The following TRAF5 variants were observed in gnomAD, a reference collection of about 807,000 sequenced individuals.
TRAF5 encodes TNF receptor-associated factor 5.
Under a neutral mutation model 64.5 loss-of-function variants are expected in TRAF5, and 48 were observed. That is an observed-to-expected ratio of 0.74 (90% CI 0.59 to 0.95). The LOEUF (loss-of-function observed/expected upper bound fraction) is 0.95. Among genes scored for constraint, TRAF5 ranks in the 40% least tolerant of loss-of-function variants. The pLI is 0.00. For synonymous variants in TRAF5, 206 were observed against 240.5 expected (o/e 0.86, Z 1.33); for missense variants, 545 against 662.8 (o/e 0.82, Z 1.95).
At chr1:211,328,962 C>T (rs981468595) in intron 1 of TRAF5, among the ~76,000 whole-genome samples, 2 of 152,162 alleles carry the variant, frequency 1.3e-5, no homozygotes, top group Non-Finnish European at 2.9e-5. Context: ...ATTGAGGTGT[C>T]TTGTTCCCCT....
intron 1 of TRAF5, among the ~76,000 whole-genome samples, chr1:211,340,733 A>G (rs1310504846): frequency 6.6e-6 from 1 of 152,256 alleles, no homozygotes; most frequent in Non-Finnish European, 1.5e-5. Flanking sequence ...AAACCATCAC[A>G]GCTGTAAATC....
chr1:211,365,353 T>G (rs1399418637), intron 7 of TRAF5, 23 bp from the exon 8 acceptor site: 1 of 1,604,686 alleles, frequency 6.2e-7, no homozygotes, highest in South Asian at 1.1e-5. Flanking sequence ...GCAACCTGAC[T>G]TATTTTTCTC....
intron 3 of TRAF5, among the ~76,000 whole-genome samples, chr1:211,355,973 G>A (rs1327166344): frequency 1.3e-5 from 2 of 152,142 alleles, no homozygotes; most frequent in African/African-American, 4.8e-5. Flanking sequence ...CTCCTGGTTT[G>A]CGCTAAAATA....
intron 4 of TRAF5, chr1:211,358,888 TTTA>T (rs1306211744): frequency 3.4e-5 from 5 of 148,834 alleles, no homozygotes; most frequent in Admixed American, 6.7e-5. Context: ...TAAATAAATG[TTTA>T]TTTTTAATAA....
chr1:211,372,479 T>C lies in TRAF5; in HGVS notation c.1451T>C (p.Leu484Pro), dbSNP rs1446969251. 2 of 1,614,182 alleles carry C rather than the reference T, an allele frequency of 1.2e-6. No individual in the cohort carries two copies. Among genetic ancestry groups the C allele is most frequent in the East Asian group, 2.2e-5 (1 of 44,886 alleles). Reference sequence around the variant, plus strand: ...TGGCCATTCAGGCAGAGGGTGACCCTGATGCTTCTGGACCAGAGTGGCAAA... The same window carrying C: ...TGGCCATTCAGGCAGAGGGTGACCCCGATGCTTCTGGACCAGAGTGGCAAA... ...LQWPFRQRVT[L>P]MLLDQSGKKN... The change falls in exon 11 of 11, where the codon CTG (leucine) becomes CCG (proline). Residue 484 changes from leucine to proline, a missense_variant. By Grantham distance (98) the Leu-to-Pro change is moderately conservative. Coordinates refer to ENST00000261464, the MANE Select transcript of TRAF5 (RefSeq NM_001033910.3).
chr1:211,351,692 T>G (rs1378210473), intron 1 of TRAF5, among the ~76,000 whole-genome samples: 1 of 152,184 alleles, frequency 6.6e-6, no homozygotes. Flanking sequence ...GATGTCCAGT[T>G]GTCCCAGCAC....
chr1:211,344,767 G>C (rs761904259), intron 1 of TRAF5, among the ~76,000 whole-genome samples: 2 of 152,038 alleles, frequency 1.3e-5, no homozygotes, highest in Non-Finnish European at 2.9e-5. Context: ...CCTTTTTTAA[G>C]TTAAGGTCTT....
intron 1 of TRAF5, 86 bp from the exon 2 acceptor site, chr1:211,353,153 G>T: frequency 7.7e-7 from 1 of 1,291,976 alleles, no homozygotes; most frequent in Non-Finnish European, 1.1e-6. Flanking sequence ...CACTAATTAT[G>T]AGACAAATAA....
chr1:211,348,351 C>T (rs535265420), intron 1 of TRAF5, among the ~76,000 whole-genome samples: 1 of 151,944 alleles, frequency 6.6e-6, no homozygotes, highest in East Asian at 1.9e-4. Context: ...TTTAAAATTC[C>T]TCAATTTGAC....
chr1:211,336,607 A>G (rs6663729), intron 1 of TRAF5, among the ~76,000 whole-genome samples: 139,996 of 152,304 alleles, frequency 0.92, 64,594 homozygotes, highest in Middle Eastern at 0.98. Context: ...TGTTACAGTC[A>G]TTCTGTAAGT....
rs373100791 is a variant in TRAF5, at chr1:211,335,881, G to A, written c.-2+8992G>A. ...GCCTAATTCAGAGGTCACCTCTGCC[G>A]CCACCCTGGCAGGGAAGGGGCAGAG... On this transcript the variant is annotated intron_variant, in intron 1 of 10. Transcript: ENST00000261464. 2.0e-3 allele frequency among the ~76,000 whole-genome samples: 308 copies of A among 152,270 alleles called. 1 individual carries two copies. The highest frequency in any genetic ancestry group is 7.1e-3 in the African/African-American group (296 of 41,556).
chr1:211,350,407 AAAAC>A (rs1255570686), intron 1 of TRAF5, among the ~76,000 whole-genome samples: 4 of 151,854 alleles, frequency 2.6e-5, no homozygotes, highest in African/African-American at 9.7e-5. Flanking sequence ...AACAAAAACA[AAAAC>A]AAAAACAAAA....
chr1:211,344,545 T>C (rs1702537876), intron 1 of TRAF5, among the ~76,000 whole-genome samples: 1 of 152,200 alleles, frequency 6.6e-6, no homozygotes, highest in Non-Finnish European at 1.5e-5. Context: ...TTAGGTGTAA[T>C]GGAAAATGGC....
intron 1 of TRAF5, chr1:211,346,425 G>C: frequency 4.1e-6 from 4 of 985,446 alleles, no homozygotes; most frequent in Non-Finnish European, 4.8e-6. Flanking sequence ...CATGGATGGT[G>C]AGTGGCAGAG....
intron 1 of TRAF5, among the ~76,000 whole-genome samples, chr1:211,341,048 G>A (rs1284222175): frequency 6.6e-6 from 1 of 152,232 alleles, no homozygotes; most frequent in African/African-American, 2.4e-5. Flanking sequence ...GGGGAAGGGG[G>A]AGAGAAGTGT....
At position 211,372,740 on chromosome 1, in the gene TRAF5, A is replaced by G; in HGVS notation, c.*38A>G. ...GGTGATAAGAGGACTTCTTGGGGCC[A>G]GAACTGTGGAGGAGAGCACATTTGA... On this transcript the variant is annotated 3_prime_UTR_variant, in exon 11 of 11. Transcript: ENST00000261464. The G allele has an allele frequency of 6.4e-7, 1 of 1,552,834 alleles. No homozygotes were observed. The highest frequency in any genetic ancestry group is 8.8e-7 in the Non-Finnish European group (1 of 1,130,328).
chr1:211,342,654 C>T (rs890590447), intron 1 of TRAF5, among the ~76,000 whole-genome samples: 1 of 152,202 alleles, frequency 6.6e-6, no homozygotes, highest in Non-Finnish European at 1.5e-5. Context: ...CCCCACCCCA[C>T]AACTACCCTT....
At chr1:211,328,465 T>C (rs556441536) in intron 1 of TRAF5, among the ~76,000 whole-genome samples, 52 of 152,298 alleles carry the variant, frequency 3.4e-4, no homozygotes, top group Non-Finnish European at 6.3e-4. Context: ...GCCTCTGGGC[T>C]GAGAGGCCTG....
At chr1:211,349,408 C>T (rs1439720975) in intron 1 of TRAF5, among the ~76,000 whole-genome samples, 2 of 152,222 alleles carry the variant, frequency 1.3e-5, no homozygotes, top group Non-Finnish European at 2.9e-5. Context: ...CTTATTGCTG[C>T]ATCCTCCAGA....
Sources: allele counts gnomAD v4.1 joint callset (sites outside exome capture counted in the v4.1 genomes callset), GRCh38; gene constraint gnomAD v4.1.1; transcripts MANE v1.5; gene names NCBI Gene and HGNC (gene_info 2026-07-23, HGNC 2026-07-21).